The following PARM1 variants were observed in gnomAD, a reference collection of about 807,000 sequenced individuals.
The protein encoded by PARM1 is prostate androgen-regulated mucin-like protein 1, also known as WSC4, cell wall integrity and stress response component 4 homolog.
In PARM1, 14 loss-of-function variants were observed where a neutral mutation model predicts 24.6. The ratio of observed to expected loss-of-function variants is 0.57; its 90% CI spans 0.38 to 0.89. The LOEUF (loss-of-function observed/expected upper bound fraction) is 0.89, where lower values mean the gene tolerates loss of function less well. PARM1 is among the 40% of genes least tolerant of loss of function. PARM1 has a pLI of 0.00. For synonymous variants in PARM1, 179 were observed against 156.6 expected, an observed-to-expected ratio of 1.14 and a Z score of -1.07; for missense variants, 362 against 380.4, an observed-to-expected ratio of 0.95 and a Z score of 0.40.
chr4:75,015,761 G>T (rs1360847363), intron 2 of PARM1, among the ~76,000 whole-genome samples: 1 of 152,116 alleles, frequency 6.6e-6, no homozygotes, highest in Non-Finnish European at 1.5e-5. Context: ...AGATCACATG[G>T]CCCAGTGGCA....
At chr4:74,957,702 C>T (rs115574338) in intron 1 of PARM1, among the ~76,000 whole-genome samples, 1,808 of 152,266 alleles carry the variant, frequency 0.012, 29 homozygotes, top group African/African-American at 0.041. Context: ...TAGAGAGCTG[C>T]AGGCAGGGAA....
chr4:74,969,077 C>T (rs1332186467), intron 1 of PARM1, among the ~76,000 whole-genome samples: 1 of 152,184 alleles, frequency 6.6e-6, no homozygotes, highest in African/African-American at 2.4e-5. Flanking sequence ...TTGGCTGCTT[C>T]TCTCTCCTTG....
chr4:75,006,206 A>G (rs759274463), intron 1 of PARM1, among the ~76,000 whole-genome samples: 51 of 152,174 alleles, frequency 3.4e-4, no homozygotes, highest in Non-Finnish European at 8.8e-5. Context: ...GGTTTGTTAC[A>G]TATGTATACA....
chr4:74,983,023 A>C (rs1301068248), intron 1 of PARM1, among the ~76,000 whole-genome samples: 4 of 152,200 alleles, frequency 2.6e-5, no homozygotes, highest in Non-Finnish European at 5.9e-5. Flanking sequence ...TCATTTTAAA[A>C]ATTGTTCCAG....
At chr4:74,992,663 A>C (rs972433433) in intron 1 of PARM1, among the ~76,000 whole-genome samples, 5 of 152,176 alleles carry the variant, frequency 3.3e-5, no homozygotes, top group African/African-American at 1.2e-4. Flanking sequence ...TTCTCAATGG[A>C]AACAGTGCAA....
intron 1 of PARM1, among the ~76,000 whole-genome samples, chr4:74,998,156 A>C (rs533117822): frequency 6.6e-6 from 1 of 152,336 alleles, no homozygotes; most frequent in East Asian, 1.9e-4. Flanking sequence ...CACTGTCTTT[A>C]GCAGAGGTGG....
intron 1 of PARM1, among the ~76,000 whole-genome samples, chr4:74,984,087 C>T (rs376765951): frequency 7.2e-5 from 11 of 152,186 alleles, no homozygotes; most frequent in African/African-American, 2.4e-4. Context: ...TCTTTTTCCT[C>T]AGAGGGTGTC....
intron 1 of PARM1, among the ~76,000 whole-genome samples, chr4:74,969,242 T>C (rs1398543606): frequency 1.3e-5 from 2 of 152,152 alleles, no homozygotes; most frequent in Non-Finnish European, 2.9e-5. Flanking sequence ...TGTCGTTGTG[T>C]TGAGGGGGCG....
intron 1 of PARM1, among the ~76,000 whole-genome samples, chr4:75,007,406 T>TG (rs1560790023): frequency 1.3e-5 from 2 of 152,236 alleles, no homozygotes; most frequent in Non-Finnish European, 2.9e-5. Flanking sequence ...AGGGTATCAG[T>TG]GGGGGTCACA....
intron 2 of PARM1, among the ~76,000 whole-genome samples, chr4:75,031,491 C>CT (rs1723277779): frequency 6.6e-6 from 1 of 150,694 alleles, no homozygotes; most frequent in Non-Finnish European, 1.5e-5. Flanking sequence ...AGCCACCCAT[C>CT]ATATGGAGGA....
chr4:74,974,544 T>C lies in PARM1; in HGVS notation c.44-37881T>C, dbSNP rs377301322. 1.2e-4 allele frequency among the ~76,000 whole-genome samples: 18 copies of C among 152,204 alleles called. 1 individual carries two copies. The highest frequency in any genetic ancestry group is 3.9e-4 in the African/African-American group (16 of 41,454). On this transcript the variant is annotated intron_variant, in intron 1 of 3. Coordinates refer to ENST00000307428, the MANE Select transcript of PARM1 (RefSeq NM_015393.4). ...CAGCACTAGCCTGTCAGAAGTTTTC[T>C]ATTCTCTATTATGGTTTGTTACCAT...
chr4:74,941,535 T>C (rs574848011), intron 1 of PARM1, among the ~76,000 whole-genome samples: 1 of 152,322 alleles, frequency 6.6e-6, no homozygotes, highest in East Asian at 1.9e-4. Flanking sequence ...ATGCTACTGC[T>C]AGATATGAAA....
At chr4:75,022,962 G>C (rs1723116518) in intron 2 of PARM1, among the ~76,000 whole-genome samples, 1 of 152,144 alleles carries the variant, frequency 6.6e-6, no homozygotes, top group Non-Finnish European at 1.5e-5. Context: ...GGTCCTAGGA[G>C]AGAAAAATAT....
At chr4:74,946,954 T>C (rs1284041713) in intron 1 of PARM1, among the ~76,000 whole-genome samples, 1 of 152,224 alleles carries the variant, frequency 6.6e-6, no homozygotes, top group Non-Finnish European at 1.5e-5. Flanking sequence ...TTGTGAAGTG[T>C]ACCATTGAGT....
At chr4:74,979,828 A>G (rs573080788) in intron 1 of PARM1, among the ~76,000 whole-genome samples, 1 of 152,354 alleles carries the variant, frequency 6.6e-6, no homozygotes, top group East Asian at 1.9e-4. Context: ...AAATCGATAA[A>G]CGTTAAGTCA....
intron 1 of PARM1, among the ~76,000 whole-genome samples, chr4:74,978,153 A>G (rs1722173365): frequency 1.3e-5 from 2 of 152,236 alleles, no homozygotes; most frequent in South Asian, 2.1e-4. Context: ...AATGCCCCCA[A>G]TTAAAAGACA....
chr4:74,968,506 C>T (rs1298176643), intron 1 of PARM1, among the ~76,000 whole-genome samples: 1 of 152,134 alleles, frequency 6.6e-6, no homozygotes, highest in East Asian at 1.9e-4. Flanking sequence ...TTTTACATGT[C>T]ACACCCTGGT....
At chr4:74,961,662 C>G (rs901279190) in intron 1 of PARM1, among the ~76,000 whole-genome samples, 1 of 152,108 alleles carries the variant, frequency 6.6e-6, no homozygotes, top group African/African-American at 2.4e-5. Flanking sequence ...CTGATATATA[C>G]AAAGTGCTGA....
intron 1 of PARM1, among the ~76,000 whole-genome samples, chr4:74,938,628 A>G (rs900205858): frequency 1.3e-5 from 2 of 152,318 alleles, no homozygotes; most frequent in Middle Eastern, 3.4e-3. Context: ...GCAACTATTC[A>G]GTAAGATTGA....
Sources: gnomAD v4.1 joint callset for allele counts (sites outside exome capture counted in the v4.1 genomes callset) on GRCh38, gnomAD v4.1.1 for gene constraint, MANE v1.5 for transcripts, NCBI Gene and HGNC (gene_info 2026-07-23, HGNC 2026-07-21) for gene names.